TNRC6A: variants seen among roughly 807,000 people sequenced by gnomAD.
TNRC6A encodes trinucleotide repeat containing adaptor 6A.
In TNRC6A, 44 loss-of-function variants were observed where a neutral mutation model predicts 221.2. The observed-to-expected ratio is 0.20, with a 90% CI of 0.16 to 0.26. The LOEUF is 0.26. TNRC6A is among the 10% of genes least tolerant of loss of function. TNRC6A has a pLI of 1.00. For missense variants in TNRC6A, 2,199 were observed against 2,404.4 expected (o/e 0.91, Z 1.79); for synonymous variants, 847 against 838.5 (o/e 1.01, Z -0.18).
chr16:24,698,021 CAAAAAAA>C (rs1290086269), intron 2 of TNRC6A, among the ~76,000 whole-genome samples: 2 of 78,542 alleles, frequency 2.5e-5, no homozygotes, highest in Admixed American at 2.7e-4. Flanking sequence ...GGCTCTGTCT[CAAAAAAA>C]AAAAAAAAAA....
intron 11 of TNRC6A, among the ~76,000 whole-genome samples, chr16:24,800,226 G>A (rs1374272574): frequency 2.0e-5 from 3 of 152,174 alleles, no homozygotes; most frequent in East Asian, 1.9e-4. Flanking sequence ...GAGAGAAGCC[G>A]CTCGCACTTT....
intron 3 of TNRC6A, among the ~76,000 whole-genome samples, chr16:24,757,846 T>G (rs898561104): frequency 6.6e-6 from 1 of 152,242 alleles, no homozygotes; most frequent in African/African-American, 2.4e-5. Flanking sequence ...AATAGCAGCC[T>G]AACCTCCAGG....
chr16:24,667,387 C>G (rs2055194816), intron 2 of TNRC6A, among the ~76,000 whole-genome samples: 1 of 152,222 alleles, frequency 6.6e-6, no homozygotes, highest in Non-Finnish European at 1.5e-5. Flanking sequence ...AGGAAACTGA[C>G]AAGGCCTCTT....
intron 2 of TNRC6A, among the ~76,000 whole-genome samples, chr16:24,660,320 A>G (rs2055002138): frequency 6.6e-6 from 1 of 152,134 alleles, no homozygotes; most frequent in Non-Finnish European, 1.5e-5. Context: ...ATGAGTGAGA[A>G]CATACGATGT....
chr16:24,763,078 A>G lies in TNRC6A; in HGVS notation c.163+4718A>G, dbSNP rs370872928. Among the ~76,000 whole-genome samples the G allele has an allele frequency of 4.7e-4, 72 of 152,132 alleles. 1 individual carries two copies. The South Asian group carries it at 0.015, about 31-fold the overall frequency. On this transcript the variant is annotated intron_variant, in intron 4 of 24. Transcript: ENST00000395799. ...TGAGGCATTGGCTCTTAAATTGTTTATTACATCTTTGGTTGTTGATGAAAA... is the reference window on the plus strand; with the variant it reads ...TGAGGCATTGGCTCTTAAATTGTTTGTTACATCTTTGGTTGTTGATGAAAA...
At chr16:24,772,839 G>A (rs1165680453) in intron 4 of TNRC6A, among the ~76,000 whole-genome samples, 2 of 152,142 alleles carry the variant, frequency 1.3e-5, no homozygotes, top group African/African-American at 4.8e-5. Context: ...GAAATTATCT[G>A]ATCCTGATGG....
chr16:24,815,432 T>C, intron 19 of TNRC6A, 127 bp downstream of exon 19: 2 of 1,101,846 alleles, frequency 1.8e-6, no homozygotes, highest in Non-Finnish European at 1.3e-6. Flanking sequence ...TGAGAAGGAA[T>C]GCAGAAGTGA....
intron 5 of TNRC6A, among the ~76,000 whole-genome samples, chr16:24,782,812 C>G (rs973926033): frequency 2.0e-5 from 3 of 152,048 alleles, no homozygotes; most frequent in Non-Finnish European, 4.4e-5. Flanking sequence ...GCAGAGCTTA[C>G]AGTGAGCCGA....
intron 2 of TNRC6A, among the ~76,000 whole-genome samples, chr16:24,718,966 G>A (rs1193256212): frequency 6.6e-6 from 1 of 151,384 alleles, no homozygotes; most frequent in African/African-American, 2.4e-5. Flanking sequence ...GAACCCAGGA[G>A]GCGGAGGTTG....
At chr16:24,723,252 G>A (rs1264210003) in intron 2 of TNRC6A, among the ~76,000 whole-genome samples, 2 of 152,070 alleles carry the variant, frequency 1.3e-5, no homozygotes, top group African/African-American at 4.8e-5. Flanking sequence ...AGAGGGTTTG[G>A]GGGAAATGAC....
At chr16:24,694,982 G>A (rs2055828999) in intron 2 of TNRC6A, among the ~76,000 whole-genome samples, 1 of 152,106 alleles carries the variant, frequency 6.6e-6, no homozygotes, top group South Asian at 2.1e-4. Context: ...GCCCTCTGAT[G>A]GCTGAGCTGA....
At chr16:24,737,882 G>A (rs200536) in intron 2 of TNRC6A, among the ~76,000 whole-genome samples, 110,444 of 152,134 alleles carry the variant, frequency 0.73, 40,349 homozygotes, top group East Asian at 0.89. Flanking sequence ...GTAGTTAAGT[G>A]TGTGCTGATT....
intron 2 of TNRC6A, among the ~76,000 whole-genome samples, chr16:24,696,728 C>CAAAAAAAAAAAAAAAAAAAAAAA (rs1251210834): frequency 2.2e-5 from 1 of 45,142 alleles, no homozygotes; most frequent in Non-Finnish European, 3.5e-5. Context: ...GACCCTGTCT[C>CAAAAAAAAAAAAAAAAAAAAAAA]AAAAAAAAAA....
chr16:24,753,761 TACA>T (rs2057188527), intron 3 of TNRC6A, among the ~76,000 whole-genome samples: 2 of 152,252 alleles, frequency 1.3e-5, no homozygotes, highest in African/African-American at 4.8e-5. Context: ...ATAAACTCAC[TACA>T]GTAAAAAGTA....
chr16:24,822,105 G>A lies in TNRC6A; in HGVS notation c.5331G>A (p.Gly1777=). The change falls in exon 23 of 25, where the codon GGG becomes GGA. Residue 1777 remains glycine, a synonymous_variant. Coordinates refer to ENST00000395799, the MANE Select transcript of TNRC6A (RefSeq NM_014494.4). ...CCAGCTGGGGTGAGAGCAGCTCAGG[G>A]AGAATAACAAATTGGCTTGTTCTAA... ...PGSSWGESSS[G]RITNWLVLKN... is the part of the protein sequence containing the mutation. 1.2e-6 allele frequency: 2 copies of A among 1,614,156 alleles called. No homozygotes were observed. The highest frequency in any genetic ancestry group is 1.7e-6 in the Non-Finnish European group (2 of 1,180,010).
intron 1 of TNRC6A, among the ~76,000 whole-genome samples, chr16:24,632,627 C>T (rs1352001444): frequency 6.6e-6 from 1 of 152,178 alleles, no homozygotes; most frequent in Non-Finnish European, 1.5e-5. Flanking sequence ...TTTCATCTTA[C>T]AGCCACCCCC....
At chr16:24,743,192 G>A (rs1312258345) in intron 2 of TNRC6A, among the ~76,000 whole-genome samples, 1 of 152,186 alleles carries the variant, frequency 6.6e-6, no homozygotes, top group African/African-American at 2.4e-5. Context: ...TTTCAGGGTT[G>A]TGAGTTCAAA....
At chr16:24,713,669 CAA>C (rs78477265) in intron 2 of TNRC6A, among the ~76,000 whole-genome samples, 10,610 of 151,194 alleles carry the variant, frequency 0.07, 925 homozygotes, top group East Asian at 0.35. Flanking sequence ...TTTTTTGAGA[CAA>C]AGTCTCACTC....
chr16:24,766,037 A>G (rs1016215532), intron 4 of TNRC6A, among the ~76,000 whole-genome samples: 5 of 152,218 alleles, frequency 3.3e-5, no homozygotes, highest in Admixed American at 1.3e-4. Context: ...GACAAAGGAA[A>G]CAGGAAGTAG....
Sources: gnomAD v4.1 joint callset for allele counts (sites outside exome capture counted in the v4.1 genomes callset) on GRCh38, gnomAD v4.1.1 for gene constraint, MANE v1.5 for transcripts, NCBI Gene and HGNC (gene_info 2026-07-23, HGNC 2026-07-21) for gene names.